Variants in DPP6 observed in about 807,000 individuals in gnomAD.
The protein encoded by DPP6 is A-type potassium channel modulatory protein DPP6.
In DPP6, 69 loss-of-function variants were observed where a neutral mutation model predicts 122.6. That is an observed-to-expected ratio of 0.56 (90% CI 0.46 to 0.69). The LOEUF (loss-of-function observed/expected upper bound fraction) is 0.69. Among genes scored for constraint, DPP6 ranks in the 30% least tolerant of loss-of-function variants. The pLI, the probability that DPP6 is intolerant of heterozygous loss-of-function variation, is 0.00. For missense variants in DPP6, 928 were observed against 1,116.9 expected (o/e 0.83, Z 2.41); for synonymous variants, 418 against 433.1 (o/e 0.97, Z 0.43).
chr7:154,247,878 A>T (rs546818708), intron 1 of DPP6, among the ~76,000 whole-genome samples: 1 of 152,298 alleles, frequency 6.6e-6, no homozygotes, highest in South Asian at 2.1e-4. Flanking sequence ...ATAATAAATA[A>T]TTGTGATCTA....
intron 16 of DPP6, among the ~76,000 whole-genome samples, chr7:154,812,412 T>A (rs1799123646): frequency 6.6e-6 from 1 of 152,194 alleles, no homozygotes; most frequent in Non-Finnish European, 1.5e-5. Flanking sequence ...CTATAGACTG[T>A]GTGGCTTATA....
At chr7:154,079,616 T>A (rs1803845578) in intron 1 of DPP6, among the ~76,000 whole-genome samples, 1 of 151,998 alleles carries the variant, frequency 6.6e-6, no homozygotes, top group South Asian at 2.1e-4. Flanking sequence ...GAAAACAGAC[T>A]GGTGGGCCAG....
chr7:154,062,879 C>A lies in DPP6; in HGVS notation c.243+9816C>A, dbSNP rs143228133. ...CTCTTCCTCCCCCAGCTTAGGACCC[C>A]CATCGTTGATCCTAAGATCCTTAGG... is the stretch of plus-strand genomic sequence containing the variant. On this transcript the variant is annotated intron_variant, in intron 1 of 25. Coordinates refer to ENST00000377770, the MANE Select transcript of DPP6 (RefSeq NM_130797.4). Among the ~76,000 whole-genome samples the A allele has an allele frequency of 6.4e-3, 852 of 133,964 alleles. 163 individuals are homozygous for A. The East Asian group carries it at 0.074, about 12-fold the overall frequency. The allele number at this position is 133,964 out of a possible 152,430, so 87.9% of individuals were successfully genotyped here. A position where few individuals can be genotyped will look rare whatever the true frequency, so the allele number is the denominator to read the frequency against.
chr7:154,683,211 T>C (rs1839390831), intron 7 of DPP6, among the ~76,000 whole-genome samples: 1 of 152,210 alleles, frequency 6.6e-6, no homozygotes, highest in Non-Finnish European at 1.5e-5. Context: ...ACTATGCATG[T>C]TGGTGAGCTG....
the DPP6 span, among the ~76,000 whole-genome samples, chr7:153,786,582 CA>C: frequency 7.9e-4 from 117 of 148,406 alleles, 1 homozygote; most frequent in Non-Finnish European, 1.2e-3. Context: ...ACTGAAAATA[CA>C]AAAAAATTAG....
chr7:154,489,918 G>A (rs1824128816), intron 3 of DPP6, among the ~76,000 whole-genome samples: 1 of 152,168 alleles, frequency 6.6e-6, no homozygotes, highest in South Asian at 2.1e-4. Flanking sequence ...CCCTTTGCGA[G>A]GCAAGGAACC....
Position 154,481,708 on chromosome 7 carries a change from C to T in DPP6, c.457+6671C>T, listed in dbSNP as rs572377198. On this transcript the variant is annotated intron_variant, in intron 3 of 25. Coordinates refer to ENST00000377770, the MANE Select transcript of DPP6 (RefSeq NM_130797.4). The surrounding 1 kb of genome is among the most constrained non-coding windows in gnomAD (Gnocchi z 4.2). ...GGATGTTCCTTCTGTCCAGCCCACT[C>T]GCTCTCCTCTCCGCGTCCACTTGTG... Among the ~76,000 whole-genome samples the T allele has an allele frequency of 4.1e-4, 62 of 152,224 alleles. No homozygotes were observed. The highest frequency in any genetic ancestry group is 1.1e-3 in the Admixed American group (17 of 15,294).
chr7:154,129,899 C>CA (rs753343107), intron 1 of DPP6, among the ~76,000 whole-genome samples: 3,529 of 108,154 alleles, frequency 0.033, 45 homozygotes, highest in Middle Eastern at 0.054. Context: ...GACTCTGTCT[C>CA]AAAAAAAAAA....
intron 1 of DPP6, among the ~76,000 whole-genome samples, chr7:153,927,192 A>G (rs1800941612): frequency 6.6e-6 from 1 of 152,154 alleles, no homozygotes; most frequent in Non-Finnish European, 1.5e-5. Flanking sequence ...GTACTCCTGT[A>G]GCTCTAACTA....
intron 1 of DPP6, among the ~76,000 whole-genome samples, chr7:154,203,933 G>A (rs1309682511): frequency 6.6e-6 from 1 of 152,202 alleles, no homozygotes; most frequent in African/African-American, 2.4e-5. Flanking sequence ...TATAGAGAAA[G>A]AGTCTGTTAA....
chr7:153,810,313 C>G, the DPP6 span, among the ~76,000 whole-genome samples: 6 of 151,994 alleles, frequency 3.9e-5, no homozygotes, highest in Admixed American at 2.0e-4. Flanking sequence ...GTAAGACTTA[C>G]GATGTATGAT....
intron 7 of DPP6, among the ~76,000 whole-genome samples, chr7:154,697,264 T>C (rs1321316067): frequency 1.3e-5 from 2 of 152,142 alleles, no homozygotes; most frequent in Non-Finnish European, 2.9e-5. Context: ...CAGCCTCCCT[T>C]TAAGGAGGCT....
At chr7:154,245,421 G>T (rs2150884011) in intron 1 of DPP6, among the ~76,000 whole-genome samples, 2 of 151,686 alleles carry the variant, frequency 1.3e-5, no homozygotes, top group South Asian at 4.2e-4. Flanking sequence ...GATCACCTGA[G>T]GTCAGGAGTT....
intron 1 of DPP6, among the ~76,000 whole-genome samples, chr7:153,905,857 G>A (rs985764340): frequency 1.3e-5 from 2 of 152,176 alleles, no homozygotes; most frequent in Non-Finnish European, 2.9e-5. Context: ...GAAAAGTGGA[G>A]ACTGAATTGC....
intron 10 of DPP6, among the ~76,000 whole-genome samples, chr7:154,775,080 C>T (rs59462598): frequency 3.9e-4 from 60 of 152,298 alleles, no homozygotes; most frequent in African/African-American, 1.1e-3. Context: ...CCTTTTCCCC[C>T]TCCAGTTGTG....
intron 16 of DPP6, among the ~76,000 whole-genome samples, chr7:154,807,752 G>A (rs777079779): frequency 1.1e-4 from 17 of 152,140 alleles, no homozygotes; most frequent in Non-Finnish European, 1.6e-4. Flanking sequence ...AACCCAGGAG[G>A]TGGAGGTTGC....
intron 1 of DPP6, among the ~76,000 whole-genome samples, chr7:154,250,624 G>C (rs1453494274): frequency 6.6e-6 from 1 of 152,180 alleles, no homozygotes; most frequent in Non-Finnish European, 1.5e-5. Flanking sequence ...GATGAATTCA[G>C]ACAGCTTTAT....
At chr7:154,701,606 G>A (rs1374837377) in intron 7 of DPP6, among the ~76,000 whole-genome samples, 1 of 152,188 alleles carries the variant, frequency 6.6e-6, no homozygotes, top group Non-Finnish European at 1.5e-5. Context: ...GTCCCTGACT[G>A]CCATATCATT....
chr7:154,481,145 C>T lies in DPP6; in HGVS notation c.457+6108C>T, dbSNP rs1476182913. Among the ~76,000 whole-genome samples, 1 of 152,036 alleles carries T rather than the reference C, an allele frequency of 6.6e-6. No individual in the cohort carries two copies. Among genetic ancestry groups the T allele is most frequent in the Non-Finnish European group, 1.5e-5 (1 of 67,970 alleles). On this transcript the variant is annotated intron_variant, in intron 3 of 25. Transcript: ENST00000377770. The surrounding 1 kb of genome is among the most constrained non-coding windows in gnomAD (Gnocchi z 4.2). ...GCTCAGGTGCAAGGAGAAGGGGATG[C>T]TTGGGTGACTGGGGTGGAATTTTAA...
Sources: allele counts gnomAD v4.1 joint callset (sites outside exome capture counted in the v4.1 genomes callset), GRCh38; gene constraint gnomAD v4.1.1; non-coding constraint Gnocchi (gnomAD v3.1); transcripts MANE v1.5; gene names NCBI Gene and HGNC (gene_info 2026-07-23, HGNC 2026-07-21).